ITGA6: variants seen among roughly 807,000 people sequenced by gnomAD.
ITGA6 encodes the protein integrin subunit alpha 6.
In ITGA6, 63 loss-of-function variants were observed where a neutral mutation model predicts 133.6. The observed-to-expected ratio is 0.47, with a 90% confidence interval of 0.38 to 0.58. The LOEUF is 0.58. Among genes scored for constraint, ITGA6 ranks in the 20% least tolerant of loss-of-function variants. ITGA6 has a pLI of 0.00. For synonymous variants in ITGA6, 434 were observed against 482.0 expected (o/e 0.90, Z 1.30); for missense variants, 1,068 against 1,309.4 (o/e 0.82, Z 2.85).
At chr2:172,452,410 A>G (rs917539624) in intron 1 of ITGA6, among the ~76,000 whole-genome samples, 5 of 152,198 alleles carry the variant, frequency 3.3e-5, no homozygotes, top group Admixed American at 1.3e-4. Context: ...GGAAAGGACT[A>G]GGCTTCATTA....
chr2:172,479,863 G>A, intron 10 of ITGA6, 124 bp downstream of exon 10: 7 of 1,103,562 alleles, frequency 6.3e-6, no homozygotes, highest in Non-Finnish European at 9.8e-6. Context: ...AAGAGGGTCT[G>A]TCAAGTGTTT....
Position 172,470,966 on chromosome 2 carries a change from T to G in ITGA6, c.644-8T>G. 1 of 1,613,860 alleles carries G rather than the reference T, an allele frequency of 6.2e-7. No individual in the cohort carries two copies. Among genetic ancestry groups the G allele is most frequent in the Non-Finnish European group, 8.5e-7 (1 of 1,179,692 alleles). On this transcript the variant is annotated splice_polypyrimidine_tract_variant and splice_region_variant and intron_variant, in intron 4 of 25. Transcript: ENST00000684293. ...TTTTTTGTTGTTTTTACCATTTCAT[T>G]CCTTTAGGGATTGTTCGTGTAGAGC...
Position 172,504,241 on chromosome 2 carries a change from A to G in ITGA6, c.*173A>G. The G allele has an allele frequency of 1.3e-6, 2 of 1,572,342 alleles. No homozygotes were observed. The highest frequency in any genetic ancestry group is 1.7e-6 in the Non-Finnish European group (2 of 1,159,840). ...GATCACAAAGTGGAACGAAAATGAA[A>G]GCTACTCATAGCGGGGGCCTAAAAA... is the stretch of plus-strand genomic sequence containing the variant. On this transcript the variant is annotated 3_prime_UTR_variant, in exon 26 of 26. Transcript: ENST00000684293.
intron 1 of ITGA6, among the ~76,000 whole-genome samples, chr2:172,435,386 G>A (rs984390597): frequency 1.3e-5 from 2 of 152,038 alleles, no homozygotes; most frequent in Non-Finnish European, 1.5e-5. Context: ...GATATATCTT[G>A]CGGGTGATGG....
rs752311183 is a variant in ITGA6, at chr2:172,475,633, A to C, written c.1217A>C (p.Lys406Thr). 6.2e-7 allele frequency: 1 copy of C among 1,608,766 alleles called. No individual in the cohort carries two copies. The highest frequency in any genetic ancestry group is 1.1e-5 in the South Asian group (1 of 90,984). Reference protein sequence around the residue: ...AVGAPYDDLGKVFIYHGSANG... With the variant: ...AVGAPYDDLGTVFIYHGSANG... The stretch of plus-strand genomic sequence containing the variant: ...GGAGCTCCGTATGATGACTTGGGAA[A>C]GGTTTTTATCTATCATGGATCTGCA... The change falls in exon 8 of 26, where the codon AAG becomes ACG. Residue 406 changes from lysine (K) to threonine (T), a missense_variant. Lys to Thr is a moderately conservative substitution (Grantham distance 78, BLOSUM62 -1). Transcript: ENST00000684293.
chr2:172,452,399 A>T (rs1685044222), intron 1 of ITGA6, among the ~76,000 whole-genome samples: 1 of 152,206 alleles, frequency 6.6e-6, no homozygotes, highest in South Asian at 2.1e-4. Flanking sequence ...CACACGAGGC[A>T]GGAAAGGACT....
Position 172,491,962 on chromosome 2 carries a change from T to C in ITGA6, c.2988+439T>C, listed in dbSNP as rs958111600. Among the ~76,000 whole-genome samples, 3 of 152,210 alleles carry C rather than the reference T, an allele frequency of 2.0e-5. No homozygotes were observed. The highest frequency in any genetic ancestry group is 4.4e-5 in the Non-Finnish European group (3 of 68,020). ...TTATGCCCCTCAAACAAGTCTAAAA[T>C]AAGTTCTCTCTCTTGGCCATGTAGC... On this transcript the variant is annotated intron_variant, in intron 23 of 25. Coordinates refer to ENST00000684293, the MANE Select transcript of ITGA6 (RefSeq NM_000210.4). This position sits in a 1 kb window ranked among gnomAD's most constrained non-coding sequence, Gnocchi z 4.4.
intron 1 of ITGA6, among the ~76,000 whole-genome samples, chr2:172,445,795 C>T (rs1684745338): frequency 6.6e-6 from 1 of 152,204 alleles, no homozygotes; most frequent in African/African-American, 2.4e-5. Flanking sequence ...TATTGCTCCA[C>T]CACTGGAGCC....
intron 3 of ITGA6, among the ~76,000 whole-genome samples, chr2:172,468,219 G>C (rs3792255): frequency 0.15 from 22,075 of 152,104 alleles, 1,722 homozygotes; most frequent in Non-Finnish European, 0.17. Flanking sequence ...GTAATAACCA[G>C]GTAGTTTTAA....
Position 172,485,115 on chromosome 2 carries a change from A to C in ITGA6, c.1711-6A>C. 1 of 1,614,000 alleles carries C rather than the reference A, an allele frequency of 6.2e-7. No homozygotes were observed. Among genetic ancestry groups the C allele is most frequent in the Non-Finnish European group, 8.5e-7 (1 of 1,179,824 alleles). ...ACTTAACTCTGACTGCATGCTTTTC[A>C]TGCAGGATAATATCAGAGATAAACT... is the stretch of plus-strand genomic sequence containing the variant. On this transcript the variant is annotated splice_polypyrimidine_tract_variant and splice_region_variant and intron_variant, in intron 12 of 25. Transcript: ENST00000684293.
At chr2:172,499,637 C>T (rs1309576161) in intron 24 of ITGA6, among the ~76,000 whole-genome samples, 1 of 152,200 alleles carries the variant, frequency 6.6e-6, no homozygotes, top group African/African-American at 2.4e-5. Context: ...GTTGTAATTA[C>T]AGATGTGAGC....
chr2:172,479,976 T>C lies in ITGA6; in HGVS notation c.1488-14T>C, dbSNP rs1686360393. 3.2e-6 allele frequency: 5 copies of C among 1,568,638 alleles called. No homozygotes were observed. Among genetic ancestry groups the C allele is most frequent in the Non-Finnish European group, 4.4e-6 (5 of 1,138,548 alleles). On this transcript the variant is annotated splice_polypyrimidine_tract_variant and intron_variant, in intron 10 of 25. Transcript: ENST00000684293. The stretch of plus-strand genomic sequence containing the variant: ...AATGGATCTTTTAAGAAATATGTGT[T>C]TGATTTTATTCAGCCTCCAGGTTAA...
At chr2:172,435,974 A>G (rs1267272959) in intron 1 of ITGA6, among the ~76,000 whole-genome samples, 4 of 152,154 alleles carry the variant, frequency 2.6e-5, no homozygotes, top group Admixed American at 6.5e-5. Context: ...CTCAGAAATG[A>G]TCAAGTGGAC....
chr2:172,479,107 C>A (rs933089066), intron 9 of ITGA6, among the ~76,000 whole-genome samples: 3 of 152,078 alleles, frequency 2.0e-5, no homozygotes, highest in Non-Finnish European at 4.4e-5. Context: ...GAATGTCTAC[C>A]GATTAGGTAC....
chr2:172,479,901 T>C (rs565307108), intron 10 of ITGA6, 89 bp from the exon 11 acceptor site: 21 of 1,038,474 alleles, frequency 2.0e-5, no homozygotes, highest in South Asian at 1.9e-4. Flanking sequence ...TCAATGGGCA[T>C]TGGGGGGATT....
rs1687253154 is a variant in ITGA6, at chr2:172,499,242, A to G, written c.3114+1142A>G. Among the ~76,000 whole-genome samples the G allele has an allele frequency of 1.3e-5, 2 of 152,198 alleles. 1 individual carries two copies. The highest frequency in any genetic ancestry group is 4.1e-4 in the South Asian group (2 of 4,834). On this transcript the variant is annotated intron_variant, in intron 24 of 25. Coordinates refer to ENST00000684293, the MANE Select transcript of ITGA6 (RefSeq NM_000210.4). ...TAGACATGGGATTGAAGCTCATGACAAAACTCCTCCTGGTATGGAGTTTTA... is the reference window on the plus strand; with the variant it reads ...TAGACATGGGATTGAAGCTCATGACGAAACTCCTCCTGGTATGGAGTTTTA...
At chr2:172,466,283 A>C (rs2149037251) in intron 2 of ITGA6, among the ~76,000 whole-genome samples, 1 of 152,290 alleles carries the variant, frequency 6.6e-6, no homozygotes, top group African/African-American at 2.4e-5. Context: ...AGATTTGCAG[A>C]TTCGTGTCTA....
rs1486455029 is a variant in ITGA6 at position 172,467,389 on chromosome 2, G to C, written c.308-92G>C. The C allele has an allele frequency of 3.2e-6, 3 of 925,274 alleles. No individual in the cohort carries two copies. The Admixed American group carries it at 5.6e-5, about 17-fold the overall frequency. The allele number at this position is 925,274 out of a possible 1,614,324, so 57.3% of individuals were successfully genotyped here. On this transcript the variant is annotated intron_variant, in intron 2 of 25. Coordinates refer to ENST00000684293, the MANE Select transcript of ITGA6 (RefSeq NM_000210.4). ...ATTGAGTAGCTAGACTCAGAGTCGA[G>C]GCCATTTGGAAACAGTTGCTTGTAT...
intron 1 of ITGA6, among the ~76,000 whole-genome samples, chr2:172,446,305 A>G (rs1011346291): frequency 6.6e-6 from 1 of 152,184 alleles, no homozygotes; most frequent in Non-Finnish European, 1.5e-5. Flanking sequence ...AAAATGATGG[A>G]ATTTAAAGTC....
Sources: gnomAD v4.1 joint callset for allele counts (sites outside exome capture counted in the v4.1 genomes callset) on GRCh38, gnomAD v4.1.1 for gene constraint, Gnocchi (gnomAD v3.1) non-coding constraint, MANE v1.5 for transcripts, NCBI Gene and HGNC (gene_info 2026-07-23, HGNC 2026-07-21) for gene names.